The following CD200R1 variants were observed in gnomAD, a reference collection of about 807,000 sequenced individuals.
The protein encoded by CD200R1 is cell surface glycoprotein CD200 receptor 1.
In CD200R1, 30 loss-of-function variants were observed where a neutral mutation model predicts 38.1. The observed-to-expected ratio is 0.79, with a 90% CI of 0.59 to 1.07. CD200R1 has a LOEUF of 1.07. Among genes scored for constraint, CD200R1 ranks in the 50% least tolerant of loss-of-function variants. The probability of loss-of-function intolerance (pLI) is 0.00; values close to 1 mark genes in which losing one functional copy is unlikely to be tolerated. For missense variants in CD200R1, 372 were observed against 415.4 expected (o/e 0.90, Z 0.91); for synonymous variants, 128 against 152.1 (o/e 0.84, Z 1.16).
intron 1 of CD200R1, among the ~76,000 whole-genome samples, chr3:112,971,536 A>G (rs2107350267): frequency 6.6e-6 from 1 of 152,262 alleles, no homozygotes; most frequent in Middle Eastern, 3.4e-3. Flanking sequence ...TTCAAATGAG[A>G]ACCCCAGGGC....
At chr3:112,956,271 T>C (rs1941096589) in intron 1 of CD200R1, among the ~76,000 whole-genome samples, 1 of 152,140 alleles carries the variant, frequency 6.6e-6, no homozygotes, top group South Asian at 2.1e-4. Flanking sequence ...ATTCTTCCTT[T>C]TGCTTGATAA....
At chr3:112,966,746 T>C (rs1933173530) in intron 1 of CD200R1, among the ~76,000 whole-genome samples, 1 of 152,128 alleles carries the variant, frequency 6.6e-6, no homozygotes, top group Admixed American at 6.5e-5. Context: ...AGGTTTCCCC[T>C]ATGTTGGTAG....
chr3:112,934,567 C>A (rs113811902), intron 2 of CD200R1, among the ~76,000 whole-genome samples: 1 of 152,118 alleles, frequency 6.6e-6, no homozygotes, highest in African/African-American at 2.4e-5. Flanking sequence ...TGGTGGCTCA[C>A]GCCTGTAATC....
In CD200R1 at chr3:112,923,776, G is replaced by C. The variant is rs764579162; in HGVS notation, c.948C>G (p.Ser316Arg). The C allele has an allele frequency of 6.2e-7, 1 of 1,603,008 alleles. No individual in the cohort carries two copies. The highest frequency in any genetic ancestry group is 8.5e-7 in the Non-Finnish European group (1 of 1,174,050). ...AGAGAGGATTGTTCTTCTCTGTGTA[G>C]CTGGCATAGGGCTGCATTTCATCCT... ...VEEDEMQPYA[S>R]YTEKNNPLYD... The change falls in exon 8 of 8, where the codon AGC becomes AGG. Residue 316 changes from serine (S) to arginine (R), a missense_variant. By Grantham distance (110) the Ser-to-Arg change is moderately radical (BLOSUM62 -1). Coordinates refer to ENST00000308611, the MANE Select transcript of CD200R1 (RefSeq NM_138806.4).
chr3:112,953,297 G>C, intron 1 of CD200R1, among the ~76,000 whole-genome samples: 1 of 152,130 alleles, frequency 6.6e-6, no homozygotes, highest in East Asian at 1.9e-4. Flanking sequence ...CCCTGGGATG[G>C]AAGTCCACTT....
At chr3:112,933,295 C>A (rs1940499912) in intron 2 of CD200R1, among the ~76,000 whole-genome samples, 1 of 152,080 alleles carries the variant, frequency 6.6e-6, no homozygotes. Flanking sequence ...GAGTAAGAGC[C>A]CCATAGTCCC....
intron 1 of CD200R1, among the ~76,000 whole-genome samples, chr3:112,963,838 C>T (rs755678404): frequency 3.9e-5 from 6 of 152,194 alleles, no homozygotes; most frequent in Non-Finnish European, 8.8e-5. Context: ...GAGGCCTTCA[C>T]AGCAGCCCCT....
At position 112,966,969 on chromosome 3, in the gene CD200R1, T is replaced by A. The variant is rs1361163820; in HGVS notation, c.67+7822A>T. 2.6e-5 allele frequency among the ~76,000 whole-genome samples: 4 copies of A among 152,302 alleles called. No homozygotes were observed. The East Asian group carries it at 7.7e-4, about 29-fold the overall frequency. ...GTCACCAGCCCTTTTATAGTCAAGC[T>A]TTTGGCCTCTTTTCAGTGCTGGTGT... On this transcript the variant is annotated intron_variant, in intron 1 of 7. Transcript: ENST00000308611.
chr3:112,925,337 C>A (rs1384670666), intron 5 of CD200R1, 144 bp from the exon 6 acceptor site: 2 of 555,332 alleles, frequency 3.6e-6, no homozygotes, highest in Non-Finnish European at 6.5e-6. Flanking sequence ...GTGAAACATG[C>A]CAATCTGGAA....
intron 7 of CD200R1, among the ~76,000 whole-genome samples, 194 bp from the exon 8 acceptor site, chr3:112,923,993 A>G (rs530575743): frequency 3.3e-5 from 5 of 152,092 alleles, no homozygotes; most frequent in Middle Eastern, 3.4e-3. Flanking sequence ...TGTTAACTAC[A>G]TAAGTCTCTG....
At chr3:112,933,598 A>AC (rs919468427) in intron 2 of CD200R1, among the ~76,000 whole-genome samples, 30 of 152,094 alleles carry the variant, frequency 2.0e-4, no homozygotes, top group East Asian at 5.8e-4. Flanking sequence ...AATATGATAG[A>AC]CCCCCCAAAT....
chr3:112,924,607 C>G (rs1940241532), intron 6 of CD200R1, 72 bp from the exon 7 acceptor site: 2 of 867,578 alleles, frequency 2.3e-6, no homozygotes, highest in Admixed American at 4.6e-5. Flanking sequence ...GAAAATAAGA[C>G]AGTATACTAT....
At chr3:112,932,468 G>A (rs1940468029) in intron 2 of CD200R1, among the ~76,000 whole-genome samples, 2 of 152,052 alleles carry the variant, frequency 1.3e-5, no homozygotes, top group Non-Finnish European at 2.9e-5. Flanking sequence ...CCAGCTGAGT[G>A]TACATGCATC....
chr3:112,950,506 T>C (rs986925884), intron 1 of CD200R1, among the ~76,000 whole-genome samples: 4 of 152,232 alleles, frequency 2.6e-5, no homozygotes, highest in African/African-American at 9.6e-5. Flanking sequence ...ATATTTCTTA[T>C]CTGCTGCTAA....
chr3:112,941,070 T>C (rs749491731), intron 2 of CD200R1, among the ~76,000 whole-genome samples: 2 of 151,764 alleles, frequency 1.3e-5, no homozygotes, highest in Non-Finnish European at 3.0e-5. Flanking sequence ...AAACATCACA[T>C]GTTCTCATTC....
chr3:112,959,787 A>C (rs1341622540), intron 1 of CD200R1, among the ~76,000 whole-genome samples: 2 of 152,106 alleles, frequency 1.3e-5, no homozygotes, highest in East Asian at 3.8e-4. Context: ...TATTATAATG[A>C]ATGTAGAGAT....
At chr3:112,944,410 A>C (rs1308468345) in intron 2 of CD200R1, among the ~76,000 whole-genome samples, 2 of 151,998 alleles carry the variant, frequency 1.3e-5, no homozygotes. Flanking sequence ...GATACATAAA[A>C]AGCATTTGAC....
intron 1 of CD200R1, among the ~76,000 whole-genome samples, chr3:112,965,575 A>G (rs549121939): frequency 6.6e-6 from 1 of 152,168 alleles, no homozygotes; most frequent in Non-Finnish European, 1.5e-5. Flanking sequence ...ATCCTGGACA[A>G]CATGATGAAA....
chr3:112,955,777 G>C (rs1003276217), intron 1 of CD200R1, among the ~76,000 whole-genome samples: 13 of 150,462 alleles, frequency 8.6e-5, no homozygotes, highest in Non-Finnish European at 1.8e-4. Flanking sequence ...ATTCATGATT[G>C]GTAGGGTTTT....
Sources: gnomAD v4.1 joint callset for allele counts (sites outside exome capture counted in the v4.1 genomes callset) on GRCh38, gnomAD v4.1.1 for gene constraint, MANE v1.5 for transcripts, NCBI Gene and HGNC (gene_info 2026-07-23, HGNC 2026-07-21) for gene names.